Variants in HMGXB3 observed in about 807,000 individuals in gnomAD.
The protein encoded by HMGXB3 is HMG domain-containing protein 3.
A neutral mutation model predicts 121.5 loss-of-function variants in HMGXB3; 45 were observed. The ratio of observed to expected loss-of-function variants is 0.37; its 90% confidence interval spans 0.29 to 0.47. The LOEUF (loss-of-function observed/expected upper bound fraction) is 0.47. HMGXB3 is among the 20% of genes least tolerant of loss of function. The pLI is 0.99. For synonymous variants in HMGXB3, 590 were observed against 624.1 expected, an observed-to-expected ratio of 0.95 and a Z score of 0.81; for missense variants, 1,376 against 1,602.2, an observed-to-expected ratio of 0.86 and a Z score of 2.41.
At position 150,047,619 on chromosome 5, in the gene HMGXB3, T is replaced by C. The variant is rs1432570213; in HGVS notation, c.2951-5T>C. 5 of 1,551,588 alleles carry C rather than the reference T, an allele frequency of 3.2e-6. No individual in the cohort carries two copies. The Admixed American group carries it at 7.8e-5, about 24-fold the overall frequency. ...CCCTCCCACCAGCACTGTTGTCTCTTGCAGGCAGTGGCAGTGCCTTGGTGA... is the reference window on the plus strand; with the variant it reads ...CCCTCCCACCAGCACTGTTGTCTCTCGCAGGCAGTGGCAGTGCCTTGGTGA... On this transcript the variant is annotated splice_region_variant and splice_polypyrimidine_tract_variant and intron_variant, in intron 16 of 19. Transcript: ENST00000502717.
chr5:150,045,432 C>G (rs762896001), intron 15 of HMGXB3, 34 bp from the exon 16 acceptor site: 2 of 1,505,934 alleles, frequency 1.3e-6, no homozygotes, highest in African/African-American at 2.8e-5. Context: ...TCTGTGACTC[C>G]CACAGTTTGA....
intron 4 of HMGXB3, 118 bp downstream of exon 4, chr5:150,010,726 T>A (rs1482316245): frequency 5.1e-6 from 5 of 985,046 alleles, no homozygotes; most frequent in Non-Finnish European, 7.3e-6. Flanking sequence ...TGGCACTTAC[T>A]GATACTGCAG....
chr5:150,036,720 C>T lies in HMGXB3; in HGVS notation c.2068C>T (p.Leu690=), dbSNP rs1756508205. 2.6e-6 allele frequency: 4 copies of T among 1,551,576 alleles called. No individual in the cohort carries two copies. The highest frequency in any genetic ancestry group is 3.5e-6 in the Non-Finnish European group (4 of 1,147,024). Residue 690 remains leucine (L), a synonymous_variant, in exon 12 of 20, where the codon CTG becomes TTG. Transcript: ENST00000502717. Reference sequence around the variant, plus strand: ...GAGGGAGATCCAGCGCCAGTCCACACTGCAGCTGCTGCGCAAAGTCCTGCA... The same window carrying T: ...GAGGGAGATCCAGCGCCAGTCCACATTGCAGCTGCTGCGCAAAGTCCTGCA... The part of the protein sequence containing the change: ...AQREIQRQST[L]QLLRKVLQIP...
chr5:150,010,729 T>A, intron 4 of HMGXB3, 121 bp downstream of exon 4: 1 of 959,488 alleles, frequency 1.0e-6, no homozygotes, highest in South Asian at 1.7e-5. Context: ...CACTTACTGA[T>A]ACTGCAGTTC....
chr5:150,012,853 T>G (rs920985993), intron 5 of HMGXB3, among the ~76,000 whole-genome samples: 1 of 152,222 alleles, frequency 6.6e-6, no homozygotes. Context: ...TTTCTCACAC[T>G]ATTATAAATG....
rs965973776 is a variant in HMGXB3, at chr5:150,052,435, G to A, written c.*243G>A. ...TCTGGCCCCGAGAGAGCACTTGGGGGACACGGTATGTTTAATGGAGGGGAG... is the reference window on the plus strand; with the variant it reads ...TCTGGCCCCGAGAGAGCACTTGGGGAACACGGTATGTTTAATGGAGGGGAG... On this transcript the variant is annotated 3_prime_UTR_variant, in exon 20 of 20. Transcript: ENST00000502717. 3 of 517,534 alleles carry A rather than the reference G, an allele frequency of 5.8e-6. No homozygotes were observed. Among genetic ancestry groups the A allele is most frequent in the South Asian group, 5.3e-5 (2 of 37,808 alleles). The allele number at this position is 517,534 out of a possible 1,614,324, so 32.1% of individuals were successfully genotyped here.
Position 150,006,353 on chromosome 5 carries a change from C to T in HMGXB3, c.138-120C>T, listed in dbSNP as rs75611458. The stretch of plus-strand genomic sequence containing the variant: ...AACCTCTTGACTACCCATATCTTAG[C>T]ATAGTAGTACTTACTGGTTGAATGA... On this transcript the variant is annotated intron_variant, in intron 2 of 19. Coordinates refer to ENST00000502717, the MANE Select transcript of HMGXB3 (RefSeq NM_014983.3). The T allele has an allele frequency of 7.3e-4, 530 of 721,500 alleles. 3 individuals are homozygous for T. The African/African-American group carries it at 8.5e-3, about 12-fold the overall frequency. 44.7% of individuals were successfully genotyped at this position (721,500 alleles called of 1,614,324 possible). A position where few individuals can be genotyped will look rare whatever the true frequency, so the allele number is the denominator to read the frequency against.
At chr5:150,049,753 C>G (rs1756847397) in intron 18 of HMGXB3, among the ~76,000 whole-genome samples, 1 of 151,604 alleles carries the variant, frequency 6.6e-6, no homozygotes, top group Admixed American at 6.6e-5. Flanking sequence ...GGGGCCCTGT[C>G]AGTGGAGGTG....
At chr5:150,009,219 A>G (rs1755774017) in intron 3 of HMGXB3, among the ~76,000 whole-genome samples, 1 of 152,190 alleles carries the variant, frequency 6.6e-6, no homozygotes, top group African/African-American at 2.4e-5. Context: ...GATACTTAGA[A>G]GACCTGGCCT....
At chr5:150,021,903 C>T (rs748059957) in intron 6 of HMGXB3, 12 of 508,016 alleles carry the variant, frequency 2.4e-5, no homozygotes, top group South Asian at 4.2e-5. Flanking sequence ...GGTGTTTTTC[C>T]GGTGTCTTTA....
chr5:150,013,859 T>G (rs1755899712), intron 5 of HMGXB3, among the ~76,000 whole-genome samples: 1 of 152,252 alleles, frequency 6.6e-6, no homozygotes, highest in Admixed American at 6.5e-5. Context: ...TAATTTGAAC[T>G]GTTGTTTCCC....
At chr5:150,049,119 T>C (rs1024749677) in intron 18 of HMGXB3, among the ~76,000 whole-genome samples, 13 of 152,192 alleles carry the variant, frequency 8.5e-5, no homozygotes, top group East Asian at 3.9e-4. Context: ...AGGAGCCCAT[T>C]GGTAAGCCAG....
chr5:150,017,492 A>C (rs550922652), intron 5 of HMGXB3, among the ~76,000 whole-genome samples: 3 of 152,252 alleles, frequency 2.0e-5, no homozygotes, highest in Non-Finnish European at 2.9e-5. Flanking sequence ...CCCAAGAGTT[A>C]AGGTTCCTTA....
In HMGXB3 at chr5:150,032,604, G is replaced by GT; in HGVS notation, c.1983+2dup. ...GACTGAGAAAACCACCAAGGCTATC[G>GT]TGAGTTCCTTCCCCCAAACACATCC... On this transcript the variant is annotated splice_donor_variant, in intron 11 of 19. Transcript: ENST00000502717. LOFTEE classifies it high-confidence loss of function. 6.4e-7 allele frequency: 1 copy of GT among 1,552,248 alleles called. No homozygotes were observed. The highest frequency in any genetic ancestry group is 8.7e-7 in the Non-Finnish European group (1 of 1,147,090).
chr5:150,018,917 A>G (rs7720470), intron 6 of HMGXB3, among the ~76,000 whole-genome samples: 71,817 of 152,152 alleles, frequency 0.47, 20,268 homozygotes, highest in Non-Finnish European at 0.63. Context: ...AGCCATTATT[A>G]ACATTTTGGT....
At chr5:150,031,398 A>T (rs1756375079) in intron 10 of HMGXB3, among the ~76,000 whole-genome samples, 1 of 152,238 alleles carries the variant, frequency 6.6e-6, no homozygotes, top group Admixed American at 6.5e-5. Context: ...GGCAGCATAG[A>T]GCAGGGAAAT....
intron 3 of HMGXB3, 129 bp from the exon 4 acceptor site, chr5:150,009,982 A>G: frequency 1.0e-6 from 1 of 982,142 alleles, no homozygotes; most frequent in Non-Finnish European, 1.5e-6. Flanking sequence ...TCAAGAGAGT[A>G]GAGTTTTTCC....
At chr5:150,051,649 AG>A in intron 19 of HMGXB3, 75 bp from the exon 20 acceptor site, 2 of 1,184,730 alleles carry the variant, frequency 1.7e-6, no homozygotes, top group Non-Finnish European at 2.3e-6. Context: ...GGCTGAGCCT[AG>A]AGTGTTCTCG....
chr5:150,033,556 G>C (rs1285346936), intron 11 of HMGXB3, among the ~76,000 whole-genome samples: 1 of 152,134 alleles, frequency 6.6e-6, no homozygotes, highest in Non-Finnish European at 1.5e-5. Flanking sequence ...GAGATGGCGT[G>C]GGGGCATGGG....
Sources: allele counts gnomAD v4.1 joint callset (sites outside exome capture counted in the v4.1 genomes callset), GRCh38; gene constraint gnomAD v4.1.1; transcripts MANE v1.5; gene names NCBI Gene and HGNC (gene_info 2026-07-23, HGNC 2026-07-21).